PDE1A: variants seen among roughly 807,000 people sequenced by gnomAD.
PDE1A encodes the protein phosphodiesterase 1A, also known as dual specificity calcium/calmodulin-dependent 3',5'-cyclic nucleotide phosphodiesterase 1A.
In PDE1A, 35 loss-of-function variants were observed where a neutral mutation model predicts 61.7. The observed-to-expected ratio is 0.57, with a 90% CI of 0.43 to 0.75. The LOEUF (loss-of-function observed/expected upper bound fraction) is 0.75, where lower values mean the gene tolerates loss of function less well. Among genes scored for constraint, PDE1A ranks in the 30% least tolerant of loss-of-function variants. The pLI is 0.00. For synonymous variants in PDE1A, 232 were observed against 213.2 expected, an observed-to-expected ratio of 1.09 and a Z score of -0.77; for missense variants, 597 against 630.6, an observed-to-expected ratio of 0.95 and a Z score of 0.57.
chr2:182,227,339 TA>T (rs1286532415), intron 6 of PDE1A, among the ~76,000 whole-genome samples: 4 of 152,012 alleles, frequency 2.6e-5, no homozygotes, highest in Admixed American at 1.3e-4. Flanking sequence ...ATATGTGTAT[TA>T]TACAAAGTAT....
exon 14 of PDE1A, chr2:182,168,116 G>A: frequency 7.1e-7 from 1 of 1,405,976 alleles, no homozygotes; most frequent in South Asian, 1.9e-5. Flanking sequence ...GATGCTTATT[G>A]AGCAATCTGC....
rs184241881 is a variant in PDE1A, at chr2:182,464,294, C to G, written c.101+57982G>C. 3.2e-3 allele frequency among the ~76,000 whole-genome samples: 492 copies of G among 152,222 alleles called. 3 individuals are homozygous for G. The highest frequency in any genetic ancestry group is 0.011 in the African/African-American group (453 of 41,524). On this transcript the variant is annotated intron_variant, in intron 2 of 14. Coordinates refer to the PDE1A transcript ENST00000410103. Reference sequence around the variant, plus strand: ...ACCATTGTGACAGGCATAGGGACCACTGCAACAGGGTCTTGCAGTGGGGTA... The same window carrying G: ...ACCATTGTGACAGGCATAGGGACCAGTGCAACAGGGTCTTGCAGTGGGGTA...
chr2:182,322,588 G>A (rs1351492), intron 1 of PDE1A, among the ~76,000 whole-genome samples: 98,232 of 151,568 alleles, frequency 0.65, 33,442 homozygotes, highest in Middle Eastern at 0.79. Flanking sequence ...AGTCTCAGAA[G>A]TTTCTTCATA....
chr2:182,656,958 C>T, the PDE1A span, among the ~76,000 whole-genome samples: 822 of 152,306 alleles, frequency 5.4e-3, 6 homozygotes, highest in Non-Finnish European at 8.7e-3. Flanking sequence ...GGTGCGGTGG[C>T]TCATGCCTGT....
downstream of PDE1A, among the ~76,000 whole-genome samples, chr2:182,163,967 T>C (rs1280515525): frequency 6.6e-6 from 1 of 152,162 alleles, no homozygotes; most frequent in Non-Finnish European, 1.5e-5. Flanking sequence ...GAATGAGGCC[T>C]GGCATCATCT....
chr2:182,238,582 G>T lies in PDE1A; in HGVS notation c.350+1528C>A, dbSNP rs149395132. ...ACTTCAAGTAGACTTTCAGCTGTCA[G>T]GATTGAAGATGATTACTTTTGAAAA... is the stretch of plus-strand genomic sequence containing the variant. On this transcript the variant is annotated intron_variant, in intron 3 of 13. Transcript: ENST00000351439. Among the ~76,000 whole-genome samples, 168 of 152,280 alleles carry T rather than the reference G, an allele frequency of 1.1e-3. 2 individuals are homozygous for T. In the East Asian group the frequency reaches 0.024, roughly 22 times the overall value.
intron 1 of PDE1A, among the ~76,000 whole-genome samples, chr2:182,370,346 G>T (rs1700064375): frequency 6.6e-6 from 1 of 152,170 alleles, no homozygotes; most frequent in South Asian, 2.1e-4. Context: ...TCCTTGAAAG[G>T]ATCATAACAG....
At chr2:182,451,116 C>CAAAT (rs1685487434) in intron 2 of PDE1A, among the ~76,000 whole-genome samples, 3 of 18,274 alleles carry the variant, frequency 1.6e-4, no homozygotes, top group Non-Finnish European at 2.2e-4. Context: ...CGGTGGCTCA[C>CAAAT]GCCTGTAATC....
intron 10 of PDE1A, among the ~76,000 whole-genome samples, chr2:182,190,235 C>A (rs367977471): frequency 1.6e-4 from 24 of 152,264 alleles, no homozygotes; most frequent in African/African-American, 5.8e-4. Flanking sequence ...AAAATAGTTA[C>A]AAACAGGAAC....
chr2:182,716,080 T>A, the PDE1A span: 1 of 152,334 alleles, frequency 6.6e-6, no homozygotes, highest in Non-Finnish European at 1.5e-5. Context: ...CCAGGGCAGT[T>A]CCCTCAGCTC....
At chr2:182,201,446 A>C in exon 10 of PDE1A, 1 of 1,613,794 alleles carries the variant, frequency 6.2e-7, no homozygotes, top group Non-Finnish European at 8.5e-7. Flanking sequence ...CACCTGCAGG[A>C]AAAACTCCTC....
chr2:182,564,747 C>A, the PDE1A span, among the ~76,000 whole-genome samples: 2 of 152,128 alleles, frequency 1.3e-5, no homozygotes, highest in Non-Finnish European at 2.9e-5. Context: ...AGGCTTTGTT[C>A]GTTTCTTTTT....
chr2:182,632,236 T>C, the PDE1A span, among the ~76,000 whole-genome samples: 1 of 152,092 alleles, frequency 6.6e-6, no homozygotes, highest in African/African-American at 2.4e-5. Context: ...TCATTAACTG[T>C]ACCACCATTA....
rs548993514 is a variant in PDE1A at position 182,403,598 on chromosome 2, C to CAAAAAAAAAAAA, written c.53+22968_53+22979dup. On this transcript the variant is annotated intron_variant, in intron 1 of 13. Transcript: ENST00000351439. ...TGGGCGACAGAGCCAGACTCCGTCT[C>CAAAAAAAAAAAA]AAAAAAAAAAAAAAAAGAAAATGTG... Among the ~76,000 whole-genome samples, 28 of 77,602 alleles carry CAAAAAAAAAAAA rather than the reference C, an allele frequency of 3.6e-4. 1 individual carries two copies. The highest frequency in any genetic ancestry group is 1.1e-3 in the African/African-American group (18 of 16,212). 50.9% of individuals were successfully genotyped at this position (77,602 alleles called of 152,430 possible). A position where few individuals can be genotyped will look rare whatever the true frequency, so the allele number is the denominator to read the frequency against.
intron 1 of PDE1A, among the ~76,000 whole-genome samples, chr2:182,352,635 A>G (rs1457648291): frequency 6.6e-6 from 1 of 151,730 alleles, no homozygotes; most frequent in Non-Finnish European, 1.5e-5. Flanking sequence ...TTTACTGGAA[A>G]GTGATGCTCA....
chr2:182,538,223 C>G, the PDE1A span, among the ~76,000 whole-genome samples: 1 of 152,280 alleles, frequency 6.6e-6, no homozygotes, highest in South Asian at 2.1e-4. Context: ...GGTGACACTT[C>G]CAATCACATT....
intron 1 of PDE1A, among the ~76,000 whole-genome samples, chr2:182,362,337 C>T (rs370380687): frequency 1.1e-4 from 16 of 151,550 alleles, no homozygotes; most frequent in Non-Finnish European, 1.8e-4. Flanking sequence ...AGCAGTAGCA[C>T]GGGAAAAAAG....
chr2:182,629,723 C>T, the PDE1A span, among the ~76,000 whole-genome samples: 1 of 152,196 alleles, frequency 6.6e-6, no homozygotes, highest in South Asian at 2.1e-4. Flanking sequence ...TTCATTGGTG[C>T]TATTATTTTT....
the PDE1A span, among the ~76,000 whole-genome samples, chr2:182,610,119 C>T: frequency 6.6e-6 from 1 of 151,826 alleles, no homozygotes; most frequent in Admixed American, 6.6e-5. Flanking sequence ...AATGCATGCT[C>T]AGAGGAGCCA....
Sources: gnomAD v4.1 joint callset for allele counts (sites outside exome capture counted in the v4.1 genomes callset) on GRCh38, gnomAD v4.1.1 for gene constraint, MANE v1.5 for transcripts, NCBI Gene and HGNC (gene_info 2026-07-23, HGNC 2026-07-21) for gene names.